Variants in PFKP observed in about 807,000 individuals in gnomAD.
The protein encoded by PFKP is phosphofructokinase, platelet.
In PFKP, 101 loss-of-function variants were observed where a neutral mutation model predicts 94.3. That is an observed-to-expected ratio of 1.07 (90% CI 0.91 to 1.26). The LOEUF is 1.26. Ranked by LOEUF, PFKP falls within the 50% of genes most tolerant of loss-of-function variation. The pLI is 0.00. For missense variants in PFKP, 1,145 were observed against 1,103.3 expected (o/e 1.04, Z -0.53); for synonymous variants, 573 against 432.6 (o/e 1.32, Z -4.03).
At chr10:3,095,392 G>A (rs577602906) in intron 2 of PFKP, among the ~76,000 whole-genome samples, 1 of 152,244 alleles carries the variant, frequency 6.6e-6, no homozygotes, top group Non-Finnish European at 1.5e-5. Context: ...AAACAATTTC[G>A]AATAAGTTGA....
intron 20 of PFKP, among the ~76,000 whole-genome samples, chr10:3,135,213 TC>T (rs1839102214): frequency 6.6e-6 from 1 of 151,944 alleles, no homozygotes; most frequent in African/African-American, 2.4e-5. Flanking sequence ...GCTTTCTTAA[TC>T]AGTCATAGCA....
intron 21 of PFKP, 70 bp downstream of exon 21, chr10:3,135,908 T>C (rs757237445): frequency 4.0e-5 from 37 of 913,886 alleles, no homozygotes; most frequent in Non-Finnish European, 5.7e-5. Flanking sequence ...TGGCCATTGC[T>C]GTTGCTGTCG....
chr10:3,134,042 A>G (rs902665757), intron 19 of PFKP, among the ~76,000 whole-genome samples: 1 of 152,100 alleles, frequency 6.6e-6, no homozygotes, highest in African/African-American at 2.4e-5. Flanking sequence ...AGGCCTCCTA[A>G]CTTGCACACA....
chr10:3,106,006 T>TCGGGTG (rs1835509896), intron 7 of PFKP, among the ~76,000 whole-genome samples: 1 of 152,216 alleles, frequency 6.6e-6, no homozygotes, highest in Non-Finnish European at 1.5e-5. Context: ...GTGAGGCCTT[T>TCGGGTG]CGGGTGCAGC....
chr10:3,129,654 A>T, intron 16 of PFKP, 165 bp from the exon 17 acceptor site: 1 of 723,444 alleles, frequency 1.4e-6, no homozygotes, highest in Non-Finnish European at 2.3e-6. Flanking sequence ...ACCCACTCCG[A>T]GGGCACATCC....
chr10:3,124,684 G>A (rs1036635580), intron 16 of PFKP, among the ~76,000 whole-genome samples: 5 of 152,198 alleles, frequency 3.3e-5, no homozygotes, highest in Non-Finnish European at 7.3e-5. Flanking sequence ...CCATCCCACT[G>A]ATCCTTGCCT....
At chr10:3,084,663 G>A (rs1219987757) in intron 2 of PFKP, among the ~76,000 whole-genome samples, 1 of 148,724 alleles carries the variant, frequency 6.7e-6, no homozygotes, top group African/African-American at 2.5e-5. Context: ...CAGGGATGTG[G>A]AATGAGCACA....
rs1833150668 is a variant in PFKP, at chr10:3,082,378, T to C, written c.113-10T>C. 1.2e-6 allele frequency: 2 copies of C among 1,601,994 alleles called. No individual in the cohort carries two copies. Among genetic ancestry groups the C allele is most frequent in the Non-Finnish European group, 1.7e-6 (2 of 1,172,090 alleles). ...CTCTTCAGTGACTCTTGCTCCTGTT[T>C]CCACTGCAGGTATGAACGCTGCCGT... On this transcript the variant is annotated splice_polypyrimidine_tract_variant and intron_variant, in intron 1 of 21. Coordinates refer to ENST00000381125, the MANE Select transcript of PFKP (RefSeq NM_002627.5).
At chr10:3,079,359 C>T (rs531898943) in intron 1 of PFKP, among the ~76,000 whole-genome samples, 6 of 152,008 alleles carry the variant, frequency 3.9e-5, no homozygotes, top group Admixed American at 6.5e-5. Flanking sequence ...CTCAGCCTCC[C>T]GAGTAGCTGG....
At chr10:3,107,986 T>C in intron 8 of PFKP, 2 of 1,289,708 alleles carry the variant, frequency 1.6e-6, no homozygotes, top group South Asian at 1.2e-5. Flanking sequence ...GTCGGCTTCT[T>C]TATTGTGCTT....
chr10:3,076,796 GC>G (rs1832629835), intron 1 of PFKP, among the ~76,000 whole-genome samples: 1 of 152,082 alleles, frequency 6.6e-6, no homozygotes, highest in Non-Finnish European at 1.5e-5. Flanking sequence ...TTTATCTCAA[GC>G]CCTCCCCTGA....
intron 8 of PFKP, among the ~76,000 whole-genome samples, chr10:3,108,425 T>C (rs1835846519): frequency 1.3e-5 from 2 of 152,266 alleles, no homozygotes; most frequent in African/African-American, 4.8e-5. Flanking sequence ...TTTTTATTTT[T>C]CTTTTTTAAA....
chr10:3,136,510 CAAGTACAAGGCCAGCTATGACG>C lies in PFKP; in HGVS notation c.2287_2308del (p.Lys763CysfsTer82). The C allele has an allele frequency of 6.2e-7, 1 of 1,613,636 alleles. No individual in the cohort carries two copies. Among genetic ancestry groups the C allele is most frequent in the Non-Finnish European group, 8.5e-7 (1 of 1,179,764 alleles). On this transcript the variant is annotated frameshift_variant, in exon 22 of 22. Coordinates refer to ENST00000381125, the MANE Select transcript of PFKP (RefSeq NM_002627.5). LOFTEE classifies it low-confidence loss of function (END_TRUNC). Reference sequence around the variant, plus strand: ...TACGGCCCCTCATGAAAATCCTGGCCAAGTACAAGGCCAGCTATGACGTGTCGGACTCAGGCCAGCTGGAACA... The same window carrying C: ...TACGGCCCCTCATGAAAATCCTGGCCTGTCGGACTCAGGCCAGCTGGAACA...
At chr10:3,103,721 C>T in intron 4 of PFKP, 58 bp from the exon 5 acceptor site, 6 of 1,588,488 alleles carry the variant, frequency 3.8e-6, no homozygotes, top group Non-Finnish European at 5.2e-6. Context: ...CCTAGTGGGG[C>T]ACCCCCCGAA....
intron 16 of PFKP, among the ~76,000 whole-genome samples, chr10:3,121,853 A>C (rs1444924859): frequency 1.9e-5 from 2 of 106,332 alleles, no homozygotes; most frequent in Admixed American, 1.5e-4. Context: ...ACAGGGCCTC[A>C]CTCTGTTTCC....
chr10:3,086,421 C>G (rs1419953478), intron 2 of PFKP, among the ~76,000 whole-genome samples: 1 of 152,242 alleles, frequency 6.6e-6, no homozygotes, highest in Non-Finnish European at 1.5e-5. Flanking sequence ...GTTCGGTCCC[C>G]GACCCCTGGC....
chr10:3,121,803 C>CTGTTTTTTTTTTTTTTTTTTTTTT (rs1837440713), intron 16 of PFKP, among the ~76,000 whole-genome samples: 1 of 32,624 alleles, frequency 3.1e-5, no homozygotes, highest in Non-Finnish European at 5.9e-5. Context: ...CTTTTTTTTT[C>CTGTTTTTTTTTTTTTTTTTTTTTT]TTTTTTTTTT....
intron 2 of PFKP, among the ~76,000 whole-genome samples, chr10:3,084,525 G>A (rs1031667799): frequency 1.3e-5 from 2 of 152,078 alleles, no homozygotes; most frequent in African/African-American, 2.4e-5. Flanking sequence ...CAATTTTAAC[G>A]GAGGGTCTAG....
Position 3,105,435 on chromosome 10 carries a change from G to T in PFKP, c.708G>T (p.Trp236Cys), listed in dbSNP as rs770417789. The change falls in exon 7 of 22, where the codon TGG becomes TGT. Residue 236 changes from tryptophan to cysteine, a missense_variant. This residue lies in a region of PFKP where 1,119 missense variants were observed against 1,062.8 expected (regional missense o/e 1.05). Transcript: ENST00000381125. ...LVSALACGAD[W>C]VFLPESPPEE... ...GTGCCTTGGCCTGCGGTGCGGACTG[G>T]GTGTTCCTTCCAGAATCTCCACCAG... 6.2e-7 allele frequency: 1 copy of T among 1,614,068 alleles called. No homozygotes were observed. Among genetic ancestry groups the T allele is most frequent in the South Asian group, 1.1e-5 (1 of 91,074 alleles).
Sources: allele counts gnomAD v4.1 joint callset (sites outside exome capture counted in the v4.1 genomes callset), GRCh38; gene constraint gnomAD v4.1.1; regional missense constraint gnomAD v4.1.1; transcripts MANE v1.5; gene names NCBI Gene and HGNC (gene_info 2026-07-23, HGNC 2026-07-21).